Variants in KIF6 observed in about 807,000 individuals in gnomAD.
KIF6 encodes kinesin-like protein KIF6.
Under a neutral mutation model 112.7 loss-of-function variants are expected in KIF6, and 106 were observed. The ratio of observed to expected loss-of-function variants is 0.94; its 90% CI spans 0.80 to 1.11. The LOEUF (loss-of-function observed/expected upper bound fraction) is 1.11. Among genes scored for constraint, KIF6 ranks in the 50% least tolerant of loss-of-function variants. The probability of loss-of-function intolerance (pLI) is 0.00; values close to 1 mark genes in which losing one functional copy is unlikely to be tolerated. For missense variants in KIF6, 929 were observed against 964.0 expected, an observed-to-expected ratio of 0.96 and a Z score of 0.48; for synonymous variants, 339 against 339.9, an observed-to-expected ratio of 1.00 and a Z score of 0.03.
intron 13 of KIF6, among the ~76,000 whole-genome samples, chr6:39,488,106 C>T (rs1581962725): frequency 1.3e-5 from 2 of 151,890 alleles, no homozygotes; most frequent in East Asian, 3.9e-4. Flanking sequence ...TATTATATTT[C>T]ATTTTTTAAA....
At chr6:39,453,036 A>C (rs1175583732) in intron 13 of KIF6, among the ~76,000 whole-genome samples, 2 of 152,228 alleles carry the variant, frequency 1.3e-5, no homozygotes, top group East Asian at 3.9e-4. Context: ...CAAGTTGCCC[A>C]AAGCTAGTTA....
chr6:39,594,177 G>A (rs1013605120), intron 7 of KIF6, among the ~76,000 whole-genome samples: 1 of 151,168 alleles, frequency 6.6e-6, no homozygotes, highest in Admixed American at 6.6e-5. Flanking sequence ...TAGTTTTAGT[G>A]ACACATAGCA....
At chr6:39,625,581 G>T (rs947568307) in intron 5 of KIF6, among the ~76,000 whole-genome samples, 5 of 152,140 alleles carry the variant, frequency 3.3e-5, no homozygotes, top group African/African-American at 1.2e-4. Flanking sequence ...GAAAAGACTG[G>T]AGTTAGCTTT....
At chr6:39,568,836 C>A (rs1391131393) in intron 10 of KIF6, among the ~76,000 whole-genome samples, 1 of 152,176 alleles carries the variant, frequency 6.6e-6, no homozygotes, top group East Asian at 1.9e-4. Context: ...TAGGCATGAG[C>A]CACTGAGCCT....
chr6:39,412,830 T>C (rs559515352), intron 15 of KIF6, among the ~76,000 whole-genome samples: 5 of 152,276 alleles, frequency 3.3e-5, no homozygotes, highest in Non-Finnish European at 7.4e-5. Flanking sequence ...CTTTTTGTGG[T>C]CCAGCGTGGC....
At chr6:39,711,871 C>T (rs1440412715) in intron 3 of KIF6, among the ~76,000 whole-genome samples, 3 of 151,998 alleles carry the variant, frequency 2.0e-5, no homozygotes, top group African/African-American at 7.3e-5. Flanking sequence ...GTAAAAGTAT[C>T]CTAACATTCT....
intron 19 of KIF6, among the ~76,000 whole-genome samples, chr6:39,352,606 CTTTT>C (rs34771617): frequency 7.1e-6 from 1 of 140,808 alleles, no homozygotes; most frequent in Non-Finnish European, 1.5e-5. Flanking sequence ...CCTGATAGCT[CTTTT>C]TTTTTTTTTT....
chr6:39,420,621 T>G (rs1177437469), intron 14 of KIF6, among the ~76,000 whole-genome samples: 2 of 152,224 alleles, frequency 1.3e-5, no homozygotes, highest in African/African-American at 4.8e-5. Flanking sequence ...AGTTTGCTGA[T>G]TCCTGTTATA....
chr6:39,585,845 T>A lies in KIF6; in HGVS notation c.990+416A>T, dbSNP rs547394873. Among the ~76,000 whole-genome samples, 22 of 152,302 alleles carry A rather than the reference T, an allele frequency of 1.4e-4. No homozygotes were observed. In the South Asian group the frequency reaches 2.5e-3, roughly 17 times the overall value. ...TCAGCAGCTGGCTCCTGCCAAAGCATCCTGGTTGCTTCACTCAGCAACATT... is the reference window on the plus strand; with the variant it reads ...TCAGCAGCTGGCTCCTGCCAAAGCAACCTGGTTGCTTCACTCAGCAACATT... On this transcript the variant is annotated intron_variant, in intron 8 of 22. Coordinates refer to ENST00000287152, the MANE Select transcript of KIF6 (RefSeq NM_145027.6).
chr6:39,460,070 C>A (rs1325791845), intron 13 of KIF6, among the ~76,000 whole-genome samples: 1 of 149,358 alleles, frequency 6.7e-6, no homozygotes, highest in Non-Finnish European at 1.5e-5. Flanking sequence ...AAGACACATG[C>A]ACACGTATGT....
chr6:39,709,365 A>C (rs1020766212), intron 3 of KIF6, among the ~76,000 whole-genome samples: 21 of 152,308 alleles, frequency 1.4e-4, no homozygotes, highest in African/African-American at 4.3e-4. Context: ...GATTCTCATA[A>C]GGAGTGTGTA....
intron 13 of KIF6, among the ~76,000 whole-genome samples, chr6:39,524,314 T>C (rs1264247976): frequency 2.6e-5 from 4 of 152,300 alleles, no homozygotes; most frequent in East Asian, 3.9e-4. Flanking sequence ...ACATAATTCC[T>C]ATACTTATTC....
chr6:39,392,437 T>C (rs554202440), intron 15 of KIF6, among the ~76,000 whole-genome samples: 1 of 152,338 alleles, frequency 6.6e-6, no homozygotes, highest in East Asian at 1.9e-4. Flanking sequence ...CTGCCCTCCA[T>C]AATGATTGTG....
intron 1 of KIF6, 63 bp downstream of exon 1, chr6:39,725,182 C>G: frequency 6.9e-7 from 1 of 1,452,014 alleles, no homozygotes; most frequent in Non-Finnish European, 9.5e-7. Flanking sequence ...CTTCGCGTGC[C>G]GCCGCCCGAC....
rs199663493 is a variant in KIF6, at chr6:39,334,782, A to ATG, written c.*1748_*1749dup. 0.027 allele frequency: 4,097 copies of ATG among 151,034 alleles called. 79 individuals are homozygous for ATG. Among genetic ancestry groups the ATG allele is most frequent in the Non-Finnish European group, 0.038 (2,541 of 67,638 alleles). 9.4% of individuals were successfully genotyped at this position (151,034 alleles called of 1,614,324 possible). On this transcript the variant is annotated 3_prime_UTR_variant, in exon 23 of 23. Transcript: ENST00000287152. ...AGGGCTCTTGAGAGTGTGTGTGTGT[A>ATG]TGTGTGTGTGTGTGTGCAGTTACAT... is the stretch of plus-strand genomic sequence containing the variant.
intron 12 of KIF6, among the ~76,000 whole-genome samples, chr6:39,543,369 T>C (rs1486449747): frequency 1.4e-5 from 2 of 147,920 alleles, no homozygotes; most frequent in Non-Finnish European, 3.0e-5. Context: ...GATGAAGGCT[T>C]GTGTGTGTGT....
intron 12 of KIF6, among the ~76,000 whole-genome samples, chr6:39,544,020 AG>A (rs1778935435): frequency 6.6e-6 from 1 of 152,254 alleles, no homozygotes; most frequent in Non-Finnish European, 1.5e-5. Flanking sequence ...TCAAAGCAGT[AG>A]ATCTGGCTTT....
intron 13 of KIF6, among the ~76,000 whole-genome samples, chr6:39,469,880 T>A (rs1441354889): frequency 6.6e-6 from 1 of 152,160 alleles, no homozygotes; most frequent in African/African-American, 2.4e-5. Context: ...TACTCCACAT[T>A]CAACAATGGG....
chr6:39,357,939 T>C (rs1764840977), intron 18 of KIF6, among the ~76,000 whole-genome samples: 1 of 152,254 alleles, frequency 6.6e-6, no homozygotes, highest in African/African-American at 2.4e-5. Flanking sequence ...GTTTTCCACG[T>C]TGAACATGTA....
Sources: gnomAD v4.1 joint callset for allele counts (sites outside exome capture counted in the v4.1 genomes callset) on GRCh38, gnomAD v4.1.1 for gene constraint, MANE v1.5 for transcripts, NCBI Gene and HGNC (gene_info 2026-07-23, HGNC 2026-07-21) for gene names.